Variants in LPA observed in about 807,000 individuals in gnomAD.
LPA encodes lipoprotein(a).
A neutral mutation model predicts 197.9 loss-of-function variants in LPA; 199 were observed. That is an observed-to-expected ratio of 1.01 (90% confidence interval 0.90 to 1.13). The LOEUF is 1.13. Among genes scored for constraint, LPA ranks in the 50% most tolerant of loss-of-function variants. The pLI is 0.00. For missense variants in LPA, 1,853 were observed against 1,785.8 expected, an observed-to-expected ratio of 1.04 and a Z score of -0.68; for synonymous variants, 715 against 639.5, an observed-to-expected ratio of 1.12 and a Z score of -1.78.
At chr6:160,540,008 C>G (rs1777955019) in intron 36 of LPA, 35 bp downstream of exon 36, 1 of 1,614,038 alleles carries the variant, frequency 6.2e-7, no homozygotes, top group Non-Finnish European at 8.5e-7. Flanking sequence ...AATATCTTCA[C>G]CAGCGTGGGG....
intron 32 of LPA, among the ~76,000 whole-genome samples, chr6:160,545,802 C>G (rs934208390): frequency 2.0e-5 from 3 of 152,104 alleles, no homozygotes; most frequent in Admixed American, 1.3e-4. Flanking sequence ...TCTCCAGGAG[C>G]TTGACCCACT....
chr6:160,552,460 G>T lies in LPA; in HGVS notation c.4973+3565C>A, dbSNP rs540296383. On this transcript the variant is annotated intron_variant, in intron 30 of 38. Coordinates refer to ENST00000316300, the MANE Select transcript of LPA (RefSeq NM_005577.4). ...TGTATAGTCCTTGAGCATAGTGTGT[G>T]AAATTTATCACTAAATATTTTTTGG... 1.1e-4 allele frequency among the ~76,000 whole-genome samples: 16 copies of T among 152,296 alleles called. No individual in the cohort carries two copies. The South Asian group carries it at 3.3e-3, about 32-fold the overall frequency.
intron 28 of LPA, among the ~76,000 whole-genome samples, chr6:160,569,960 G>C (rs1226412587): frequency 1.3e-5 from 2 of 152,166 alleles, no homozygotes; most frequent in African/African-American, 4.8e-5. Context: ...AGTTAGAATG[G>C]TGATCATTAA....
At chr6:160,534,172 C>G (rs1159835531) in intron 37 of LPA, among the ~76,000 whole-genome samples, 4 of 152,186 alleles carry the variant, frequency 2.6e-5, no homozygotes, top group Non-Finnish European at 4.4e-5. Flanking sequence ...GGAAGCTCCT[C>G]CTGACTACCG....
intron 26 of LPA, among the ~76,000 whole-genome samples, chr6:160,579,268 C>A (rs1008739055): frequency 1.3e-5 from 2 of 152,040 alleles, no homozygotes; most frequent in African/African-American, 4.8e-5. Context: ...ATAAAATAAT[C>A]ATGAAAATAG....
At chr6:160,647,467 C>G (rs1434905408) in intron 2 of LPA, among the ~76,000 whole-genome samples, 1 of 152,168 alleles carries the variant, frequency 6.6e-6, no homozygotes, top group Non-Finnish European at 1.5e-5. Context: ...ACACATGTGG[C>G]CTAGTCTCAG....
intron 1 of LPA, among the ~76,000 whole-genome samples, chr6:160,651,716 A>G (rs3011436): frequency 1.3e-5 from 2 of 152,226 alleles, no homozygotes; most frequent in Non-Finnish European, 2.9e-5. Context: ...GACTCAGAAA[A>G]GACACCATCT....
intron 1 of LPA, among the ~76,000 whole-genome samples, chr6:160,655,050 A>G (rs926781193): frequency 2.6e-5 from 4 of 152,182 alleles, no homozygotes; most frequent in African/African-American, 9.7e-5. Context: ...GGACCTGCTC[A>G]AGCCCGATCA....
At chr6:160,577,451 A>C (rs1254267482) in intron 27 of LPA, among the ~76,000 whole-genome samples, 156 bp from the exon 28 acceptor site, 1 of 152,220 alleles carries the variant, frequency 6.6e-6, no homozygotes, top group African/African-American at 2.4e-5. Flanking sequence ...CAGTAGATTC[A>C]TAGTATTCTA....
chr6:160,599,126 G>A lies in LPA; in HGVS notation c.3287+374C>T, dbSNP rs9457948. Among the ~76,000 whole-genome samples the A allele has an allele frequency of 1.8e-3, 280 of 152,246 alleles. 1 individual carries two copies. Among genetic ancestry groups the A allele is most frequent in the African/African-American group, 6.4e-3 (265 of 41,560 alleles). ...TGGGAGGCTGAGGCAGGCGGATCAC[G>A]AGGTCAGGAGACCAAGACCATCCTG... is the stretch of plus-strand genomic sequence containing the variant. On this transcript the variant is annotated intron_variant, in intron 20 of 38. Coordinates refer to ENST00000316300, the MANE Select transcript of LPA (RefSeq NM_005577.4).
In LPA at chr6:160,557,442, T is replaced by C; in HGVS notation, c.4761A>G (p.Leu1587=). 1 of 1,614,158 alleles carries C rather than the reference T, an allele frequency of 6.2e-7. No individual in the cohort carries two copies. The highest frequency in any genetic ancestry group is 8.5e-7 in the Non-Finnish European group (1 of 1,180,006). Residue 1587 remains leucine, a synonymous_variant, in exon 29 of 39, where the codon CTA becomes CTG. Coordinates refer to ENST00000316300, the MANE Select transcript of LPA (RefSeq NM_005577.4). ...TQCSETESGV[L]ETPTVVPVPS... is the part of the protein sequence containing the mutation. ...GAACTGGAACAACAGTGGGAGTCTC[T>C]AGGACACCTGATTCTGTTTCTGAGC...
Position 160,548,678 on chromosome 6 carries a change from T to C in LPA, c.4974-19A>G, listed in dbSNP as rs749560434. 1.2e-5 allele frequency: 19 copies of C among 1,613,634 alleles called. No individual in the cohort carries two copies. In the African/African-American group the frequency reaches 2.5e-4, roughly 22 times the overall value. On this transcript the variant is annotated intron_variant, in intron 30 of 38. Transcript: ENST00000316300. The stretch of plus-strand genomic sequence containing the variant: ...CAGGCCACTGGAAATTCCAAAGCAA[T>C]ACAAGTTACAGGAGGCGGAAGAATA...
rs1554231713 is a variant in LPA at position 160,553,959 on chromosome 6, G to GCGCA, written c.4973+2065_4973+2066insTGCG. Among the ~76,000 whole-genome samples the GCGCA allele has an allele frequency of 1.2e-3, 182 of 148,498 alleles. 1 individual carries two copies. The highest frequency in any genetic ancestry group is 3.4e-3 in the Middle Eastern group (1 of 294). On this transcript the variant is annotated intron_variant, in intron 30 of 38. Transcript: ENST00000316300. ...TCTCTGTGTGTGTGTGTGTGTGCGC[G>GCGCA]CGCGCGCGTGTGCGTGTGTGTGTGT... is the stretch of plus-strand genomic sequence containing the variant.
chr6:160,584,947 T>G, intron 26 of LPA, 99 bp downstream of exon 26: 203 of 1,242,402 alleles, frequency 1.6e-4, no homozygotes, highest in Middle Eastern at 2.7e-4. Flanking sequence ...TCTGAGTCTA[T>G]GAGAAATTTG....
At chr6:160,556,997 C>T (rs928118668) in intron 29 of LPA, among the ~76,000 whole-genome samples, 5 of 152,154 alleles carry the variant, frequency 3.3e-5, no homozygotes, top group African/African-American at 1.2e-4. Context: ...ATGACAAACT[C>T]AGCGGCCACA....
rs200809852 is a variant in LPA at position 160,606,863 on chromosome 6, TA to T, written c.2604-206del. On this transcript the variant is annotated intron_variant, in intron 16 of 38. Coordinates refer to ENST00000316300, the MANE Select transcript of LPA (RefSeq NM_005577.4). ...TCTCATACTTAAAAGATTATTATTA[TA>T]AAAAAAAATCTAAAGTAGCAAACGC... Among the ~76,000 whole-genome samples the T allele has an allele frequency of 6.1e-3, 930 of 151,502 alleles. 6 individuals carry two copies. Among genetic ancestry groups the T allele is most frequent in the Non-Finnish European group, 8.3e-3 (563 of 67,810 alleles).
Position 160,650,425 on chromosome 6 carries a change from G to C in LPA, c.122C>G (p.Ser41Cys). 1 of 1,613,874 alleles carries C rather than the reference G, an allele frequency of 6.2e-7. No individual in the cohort carries two copies. The change falls in exon 2 of 39, where the codon TCC (serine) becomes TGC (cysteine). Residue 41 changes from serine to cysteine, a missense_variant. This residue lies in a region of LPA where 88 missense variants were observed against 83.0 expected (regional missense o/e 1.06). Coordinates refer to ENST00000316300, the MANE Select transcript of LPA (RefSeq NM_005577.4). ...GCAGGTCCTTCCTGTGACAGTGGTG[G>C]AGTACGTGCCTCGATAACTCTGTCC... ...GDGQSYRGTY[S>C]TTVTGRTCQA...
chr6:160,603,004 T>G (rs1779274248), intron 18 of LPA, among the ~76,000 whole-genome samples: 1 of 151,624 alleles, frequency 6.6e-6, no homozygotes, highest in Non-Finnish European at 1.5e-5. Flanking sequence ...GTTTTTTTTT[T>G]TTTTTTTTTG....
chr6:160,585,803 G>A (rs1267381587), intron 25 of LPA, among the ~76,000 whole-genome samples: 1 of 152,094 alleles, frequency 6.6e-6, no homozygotes, highest in Non-Finnish European at 1.5e-5. Context: ...CTCATTACAA[G>A]AAAGCTGACA....
Sources: gnomAD v4.1 joint callset for allele counts (sites outside exome capture counted in the v4.1 genomes callset) on GRCh38, gnomAD v4.1.1 for gene constraint, gnomAD v4.1.1 regional missense constraint, MANE v1.5 for transcripts, NCBI Gene and HGNC (gene_info 2026-07-23, HGNC 2026-07-21) for gene names.